Variants in FSTL4 observed in about 807,000 individuals in gnomAD.
The protein encoded by FSTL4 is follistatin like 4.
In FSTL4, 28 loss-of-function variants were observed where a neutral mutation model predicts 78.2. The ratio of observed to expected loss-of-function variants is 0.36; its 90% CI spans 0.27 to 0.49. The LOEUF (loss-of-function observed/expected upper bound fraction) is 0.49, where lower values mean the gene tolerates loss of function less well. Ranked by LOEUF, FSTL4 falls within the 20% of genes least tolerant of loss-of-function variation. FSTL4 has a pLI of 0.98. For missense variants in FSTL4, 922 were observed against 1,084.9 expected, an observed-to-expected ratio of 0.85 and a Z score of 2.11; for synonymous variants, 422 against 440.5, an observed-to-expected ratio of 0.96 and a Z score of 0.53.
chr5:133,559,890 G>A (rs1759876167), intron 3 of FSTL4, among the ~76,000 whole-genome samples: 1 of 152,196 alleles, frequency 6.6e-6, no homozygotes, highest in Non-Finnish European at 1.5e-5. Context: ...TCAGCAAATA[G>A]GACCAGGTAT....
At chr5:133,269,185 A>T (rs1346116909) in intron 6 of FSTL4, among the ~76,000 whole-genome samples, 1 of 100,862 alleles carries the variant, frequency 9.9e-6, no homozygotes, top group African/African-American at 1.3e-4. Flanking sequence ...ACTCCATCTC[A>T]AAAAAAAAAA....
chr5:133,552,783 G>T (rs900031500), intron 3 of FSTL4, among the ~76,000 whole-genome samples: 1 of 152,180 alleles, frequency 6.6e-6, no homozygotes, highest in African/African-American at 2.4e-5. Context: ...TTCCAGGTAG[G>T]AGATGATGTG....
intron 7 of FSTL4, among the ~76,000 whole-genome samples, chr5:133,235,322 A>G (rs564141553): frequency 3.0e-4 from 45 of 152,194 alleles, no homozygotes; most frequent in Middle Eastern, 3.4e-3. Context: ...TCTACTAAAA[A>G]TACAAAACAA....
chr5:133,598,121 C>CA (rs2112973773), intron 2 of FSTL4, among the ~76,000 whole-genome samples: 1 of 152,258 alleles, frequency 6.6e-6, no homozygotes, highest in African/African-American at 2.4e-5. Context: ...AGCATGACTG[C>CA]AGCCTGCCCA....
the FSTL4 span, among the ~76,000 whole-genome samples, chr5:133,802,911 TCCA>T: frequency 6.6e-6 from 1 of 152,206 alleles, no homozygotes; most frequent in African/African-American, 2.4e-5. Flanking sequence ...GCGTCTCATT[TCCA>T]GGCGCATATA....
chr5:133,697,941 G>A, the FSTL4 span, among the ~76,000 whole-genome samples: 1 of 152,118 alleles, frequency 6.6e-6, no homozygotes, highest in Non-Finnish European at 1.5e-5. Context: ...CCATAGATGA[G>A]GGCTTATCTC....
intron 3 of FSTL4, among the ~76,000 whole-genome samples, chr5:133,521,037 T>C (rs562663569): frequency 4.8e-5 from 7 of 145,974 alleles, no homozygotes; most frequent in Non-Finnish European, 9.1e-5. Context: ...GTAACTACCT[T>C]AAAGAAATTT....
rs57607147 is a variant in FSTL4, at chr5:133,239,471, G to A, written c.895-5934C>T. The stretch of plus-strand genomic sequence containing the variant: ...AACCTTTATGTCTAGCTAAGGGATT[G>A]TAAATACACCAATCAGCACTCTGTC... On this transcript the variant is annotated intron_variant, in intron 7 of 15. Transcript: ENST00000265342. Among the ~76,000 whole-genome samples, 778 of 152,320 alleles carry A rather than the reference G, an allele frequency of 5.1e-3. 11 individuals carry two copies. Among genetic ancestry groups the A allele is most frequent in the African/African-American group, 0.018 (741 of 41,560 alleles).
rs972460947 is a variant in FSTL4, at chr5:133,196,769, C to T, written c.*2326G>A. The stretch of plus-strand genomic sequence containing the variant: ...CTCCCACCCCTGACTCCCCACCCAA[C>T]CAACTCTATTGGTTTTCCTGCCAAA... On this transcript the variant is annotated 3_prime_UTR_variant, in exon 16 of 16. Coordinates refer to ENST00000265342, the MANE Select transcript of FSTL4 (RefSeq NM_015082.2). The T allele has an allele frequency of 6.6e-6, 1 of 150,754 alleles. No homozygotes were observed. Among genetic ancestry groups the T allele is most frequent in the Non-Finnish European group, 1.5e-5 (1 of 67,674 alleles). The allele number at this position is 150,754 out of a possible 1,614,324, so 9.3% of individuals were successfully genotyped here.
the FSTL4 span, among the ~76,000 whole-genome samples, chr5:133,632,308 A>G: frequency 6.6e-6 from 1 of 152,188 alleles, no homozygotes; most frequent in African/African-American, 2.4e-5. Flanking sequence ...TTATAACCAC[A>G]ACAGATGGTG....
At chr5:133,441,660 A>T (rs1757161384) in intron 3 of FSTL4, among the ~76,000 whole-genome samples, 1 of 152,208 alleles carries the variant, frequency 6.6e-6, no homozygotes, top group Admixed American at 6.5e-5. Flanking sequence ...ATGAGGCCCT[A>T]GAGATGGCTG....
chr5:133,298,999 G>C (rs1406960071), intron 6 of FSTL4, among the ~76,000 whole-genome samples: 1 of 152,244 alleles, frequency 6.6e-6, no homozygotes, highest in African/African-American at 2.4e-5. Context: ...AGGTTACAGA[G>C]CTTGTAAGGG....
the FSTL4 span, among the ~76,000 whole-genome samples, chr5:133,641,039 T>C: frequency 6.6e-6 from 1 of 152,178 alleles, no homozygotes; most frequent in Non-Finnish European, 1.5e-5. Context: ...TACTGCACTA[T>C]TGAATGGGGC....
chr5:133,705,302 A>C, the FSTL4 span, among the ~76,000 whole-genome samples: 1 of 152,118 alleles, frequency 6.6e-6, no homozygotes, highest in African/African-American at 2.4e-5. Flanking sequence ...CTGGTGATCC[A>C]CCTGCCTCGG....
At chr5:133,414,491 A>G (rs1188566768) in intron 3 of FSTL4, among the ~76,000 whole-genome samples, 1 of 152,102 alleles carries the variant, frequency 6.6e-6, no homozygotes, top group Non-Finnish European at 1.5e-5. Context: ...GTAAACCAAA[A>G]CCAACGTTCA....
the FSTL4 span, among the ~76,000 whole-genome samples, chr5:133,638,385 A>C: frequency 6.6e-6 from 1 of 151,410 alleles, no homozygotes; most frequent in Non-Finnish European, 1.5e-5. Context: ...TTCTCATCTC[A>C]CTCCAAGGAA....
intron 3 of FSTL4, among the ~76,000 whole-genome samples, chr5:133,432,889 A>G (rs1756967897): frequency 6.6e-6 from 1 of 152,240 alleles, no homozygotes; most frequent in Non-Finnish European, 1.5e-5. Flanking sequence ...CCAAGCCACA[A>G]GCACTAAATC....
intron 7 of FSTL4, among the ~76,000 whole-genome samples, chr5:133,241,872 G>A (rs760254941): frequency 6.6e-6 from 1 of 152,196 alleles, no homozygotes; most frequent in Non-Finnish European, 1.5e-5. Context: ...TCACAGCCAT[G>A]ACAGCTGATT....
In FSTL4 at chr5:133,400,997, CACAA is replaced by C. The variant is rs1756211718; in HGVS notation, c.161-15_161-12del. ...TGTGGCTGGAAAGCCCTGCCAGACACACAAACACAGAGGGTCAGCTGTAAACACT... is the reference window on the plus strand; with the variant it reads ...TGTGGCTGGAAAGCCCTGCCAGACACACACAGAGGGTCAGCTGTAAACACT... On this transcript the variant is annotated splice_polypyrimidine_tract_variant and intron_variant, in intron 3 of 15. Coordinates refer to ENST00000265342, the MANE Select transcript of FSTL4 (RefSeq NM_015082.2). 1 of 1,612,712 alleles carries C rather than the reference CACAA, an allele frequency of 6.2e-7. No individual in the cohort carries two copies. The highest frequency in any genetic ancestry group is 8.5e-7 in the Non-Finnish European group (1 of 1,179,952).
Sources: allele counts gnomAD v4.1 joint callset (sites outside exome capture counted in the v4.1 genomes callset), GRCh38; gene constraint gnomAD v4.1.1; transcripts MANE v1.5; gene names NCBI Gene and HGNC (gene_info 2026-07-23, HGNC 2026-07-21).